SEMA5A: variants seen among roughly 807,000 people sequenced by gnomAD.
The protein encoded by SEMA5A is semaphorin 5A, also known as semaphorin-5A.
Under a neutral mutation model 135.5 loss-of-function variants are expected in SEMA5A, and 55 were observed. The ratio of observed to expected loss-of-function variants is 0.41; its 90% confidence interval spans 0.33 to 0.51. The LOEUF is 0.51. Ranked by LOEUF, SEMA5A falls within the 20% of genes least tolerant of loss-of-function variation. The pLI is 0.37. For synonymous variants in SEMA5A, 580 were observed against 546.5 expected, an observed-to-expected ratio of 1.06 and a Z score of -0.85; for missense variants, 1,290 against 1,419.9, an observed-to-expected ratio of 0.91 and a Z score of 1.47.
At chr5:9,297,641 A>T (rs1291045485) in intron 5 of SEMA5A, among the ~76,000 whole-genome samples, 1 of 151,724 alleles carries the variant, frequency 6.6e-6, no homozygotes, top group Non-Finnish European at 1.5e-5. Flanking sequence ...TACAGCCTCA[A>T]CCTCCCAGGC....
At chr5:9,313,317 C>T (rs1752228951) in intron 5 of SEMA5A, among the ~76,000 whole-genome samples, 1 of 152,002 alleles carries the variant, frequency 6.6e-6, no homozygotes, top group Non-Finnish European at 1.5e-5. Context: ...CGAATTGTCC[C>T]CTGGGGTGAC....
chr5:9,135,715 T>C (rs943531408), intron 13 of SEMA5A, among the ~76,000 whole-genome samples: 1 of 152,204 alleles, frequency 6.6e-6, no homozygotes, highest in Non-Finnish European at 1.5e-5. Flanking sequence ...ACATGACTTA[T>C]GACTTTTCCA....
chr5:9,065,261 G>A (rs1490236019), intron 17 of SEMA5A, among the ~76,000 whole-genome samples: 1 of 152,170 alleles, frequency 6.6e-6, no homozygotes, highest in Admixed American at 6.5e-5. Context: ...TGGGCCTCCA[G>A]GCATCCAGGC....
chr5:9,418,307 A>T (rs1757351519), intron 2 of SEMA5A, among the ~76,000 whole-genome samples: 1 of 152,092 alleles, frequency 6.6e-6, no homozygotes, highest in Non-Finnish European at 1.5e-5. Context: ...CACTGATCCC[A>T]TCATGAGTGC....
At chr5:9,539,136 G>C (rs893258197) in intron 1 of SEMA5A, among the ~76,000 whole-genome samples, 2 of 152,154 alleles carry the variant, frequency 1.3e-5, no homozygotes, top group African/African-American at 4.8e-5. Flanking sequence ...CTGCTAGCCC[G>C]AGGCAACCAC....
In SEMA5A at chr5:9,330,299, A is replaced by G. The variant is rs553350573; in HGVS notation, c.224+7414T>C. 3.9e-5 allele frequency among the ~76,000 whole-genome samples: 6 copies of G among 152,070 alleles called. No individual in the cohort carries two copies. The South Asian group carries it at 1.2e-3, about 32-fold the overall frequency. ...CAGCTACTCGGGAGGCTGAGGCAGA[A>G]GAATGGCGTGAACCCGGGAGGCGGA... On this transcript the variant is annotated intron_variant, in intron 4 of 22. Coordinates refer to ENST00000382496, the MANE Select transcript of SEMA5A (RefSeq NM_003966.3).
At position 9,395,804 on chromosome 5, in the gene SEMA5A, T is replaced by A. The variant is rs183599521; in HGVS notation, c.-77-15781A>T. Among the ~76,000 whole-genome samples, 3 of 152,222 alleles carry A rather than the reference T, an allele frequency of 2.0e-5. No individual in the cohort carries two copies. The East Asian group carries it at 5.8e-4, about 29-fold the overall frequency. On this transcript the variant is annotated intron_variant, in intron 2 of 22. Coordinates refer to ENST00000382496, the MANE Select transcript of SEMA5A (RefSeq NM_003966.3). Reference sequence around the variant, plus strand: ...GTGATGTGCCTTCTCTAACATCATATGTAGGAGGAAAAATGTTCTGCTTAA... The same window carrying A: ...GTGATGTGCCTTCTCTAACATCATAAGTAGGAGGAAAAATGTTCTGCTTAA...
At chr5:9,203,752 G>A (rs1745853709) in intron 8 of SEMA5A, among the ~76,000 whole-genome samples, 2 of 152,026 alleles carry the variant, frequency 1.3e-5, no homozygotes, top group Admixed American at 6.6e-5. Flanking sequence ...ATATACTGAG[G>A]TGATTTTAAT....
At chr5:9,469,055 C>T (rs189051582) in intron 1 of SEMA5A, among the ~76,000 whole-genome samples, 4 of 152,280 alleles carry the variant, frequency 2.6e-5, no homozygotes, top group Admixed American at 2.6e-4. Context: ...GTCGCCCAGA[C>T]TGGAGAGCAG....
In SEMA5A at chr5:9,224,831, G is replaced by T. The variant is rs767830532; in HGVS notation, c.489C>A (p.Tyr163Ter). 6.2e-7 allele frequency: 1 copy of T among 1,614,022 alleles called. No individual in the cohort carries two copies. The highest frequency in any genetic ancestry group is 8.5e-7 in the Non-Finnish European group (1 of 1,179,940). ...DQISGMARCP[Y>*]SPQHNSTALL... ...GCGCTGTGGAATTGTGCTGGGGACTGTAGGGACAGCGGGCCATGCCACTGA... is the reference window on the plus strand; with the variant it reads ...GCGCTGTGGAATTGTGCTGGGGACTTTAGGGACAGCGGGCCATGCCACTGA... Residue 163 changes from tyrosine (Y) to a stop codon, truncating the protein, a stop_gained, in exon 8 of 23, where the codon TAC becomes TAA. Transcript: ENST00000382496. LOFTEE classifies it high-confidence loss of function.
intron 8 of SEMA5A, among the ~76,000 whole-genome samples, chr5:9,213,165 C>T (rs1035476076): frequency 6.6e-6 from 1 of 152,222 alleles, no homozygotes; most frequent in Non-Finnish European, 1.5e-5. Context: ...TCAAATGCCT[C>T]ACCTCGTAAT....
At chr5:9,147,017 C>A (rs922742954) in intron 12 of SEMA5A, among the ~76,000 whole-genome samples, 1 of 152,108 alleles carries the variant, frequency 6.6e-6, no homozygotes, top group Non-Finnish European at 1.5e-5. Context: ...ACGTGGAGAC[C>A]CTGCAATTTC....
chr5:9,193,259 C>T (rs1300570907), intron 10 of SEMA5A, among the ~76,000 whole-genome samples: 1 of 152,136 alleles, frequency 6.6e-6, no homozygotes, highest in Admixed American at 6.5e-5. Flanking sequence ...TTATGCTGGA[C>T]TCCCGCTGTG....
rs1745748314 is a variant in SEMA5A at position 9,202,134 on chromosome 5, G to A, written c.753C>T (p.Ala251=). ...CACCAATATCGTTCTTGCACACCCGGGCAGCTCTGGAGAACACTGTTTTCC... is the reference window on the plus strand; with the variant it reads ...CACCAATATCGTTCTTGCACACCCGAGCAGCTCTGGAGAACACTGTTTTCC... ...DCGKTVFSRA[A]RVCKNDIGGR... is the part of the protein sequence containing the mutation. Residue 251 remains alanine (A), a synonymous_variant, in exon 9 of 23, where the codon GCC becomes GCT. Coordinates refer to ENST00000382496, the MANE Select transcript of SEMA5A (RefSeq NM_003966.3). The A allele has an allele frequency of 1.2e-6, 2 of 1,613,912 alleles. No individual in the cohort carries two copies. The highest frequency in any genetic ancestry group is 1.7e-5 in the Admixed American group (1 of 59,976).
intron 3 of SEMA5A, among the ~76,000 whole-genome samples, chr5:9,345,310 G>A (rs1753812599): frequency 1.3e-5 from 2 of 152,146 alleles, no homozygotes; most frequent in Middle Eastern, 3.4e-3. Context: ...GAGAAATGAT[G>A]GGCCTGGAAA....
intron 1 of SEMA5A, among the ~76,000 whole-genome samples, chr5:9,535,490 C>T (rs1056424986): frequency 3.3e-5 from 5 of 151,960 alleles, no homozygotes; most frequent in Admixed American, 2.6e-4. Flanking sequence ...CACCCACGAC[C>T]GCTACACAAT....
chr5:9,440,540 G>C (rs1758195621), intron 1 of SEMA5A, among the ~76,000 whole-genome samples: 1 of 152,122 alleles, frequency 6.6e-6, no homozygotes, highest in Non-Finnish European at 1.5e-5. Context: ...CTTAAAAAAT[G>C]CCACCATGAA....
At chr5:9,407,815 T>C (rs1318223581) in intron 2 of SEMA5A, among the ~76,000 whole-genome samples, 1 of 152,152 alleles carries the variant, frequency 6.6e-6, no homozygotes, top group African/African-American at 2.4e-5. Flanking sequence ...GGTGAGTACC[T>C]AGCGCAAAAG....
chr5:9,252,460 G>A (rs966032404), intron 5 of SEMA5A, among the ~76,000 whole-genome samples: 7 of 152,088 alleles, frequency 4.6e-5, no homozygotes, highest in Non-Finnish European at 8.8e-5. Flanking sequence ...GAACATGCAC[G>A]GATAAACATG....
Sources: gnomAD v4.1 joint callset for allele counts (sites outside exome capture counted in the v4.1 genomes callset) on GRCh38, gnomAD v4.1.1 for gene constraint, MANE v1.5 for transcripts, NCBI Gene and HGNC (gene_info 2026-07-23, HGNC 2026-07-21) for gene names.